The following LRFN5 variants were observed in gnomAD, a reference collection of about 807,000 sequenced individuals.
LRFN5 encodes leucine-rich repeat and fibronectin type-III domain-containing protein 5.
LRFN5 carries 24 observed loss-of-function variants against 45.6 expected under a neutral mutation model. The ratio of observed to expected loss-of-function variants is 0.53; its 90% CI spans 0.38 to 0.74. LRFN5 has a LOEUF of 0.74. Ranked by LOEUF, LRFN5 falls within the 30% of genes least tolerant of loss-of-function variation. The pLI is 0.00. For synonymous variants in LRFN5, 340 were observed against 313.8 expected (o/e 1.08, Z -0.88); for missense variants, 776 against 861.5 (o/e 0.90, Z 1.24).
At chr14:41,780,802 C>T (rs1886454595) in intron 2 of LRFN5, among the ~76,000 whole-genome samples, 1 of 151,560 alleles carries the variant, frequency 6.6e-6, no homozygotes, top group Non-Finnish European at 1.5e-5. Flanking sequence ...TTATATGATT[C>T]CACCTTCTCT....
At chr14:41,888,220 A>G (rs560150746) in intron 3 of LRFN5, among the ~76,000 whole-genome samples, 3 of 152,270 alleles carry the variant, frequency 2.0e-5, no homozygotes, top group East Asian at 1.9e-4. Context: ...TATATTTAAT[A>G]TTATGCTTAC....
intron 1 of LRFN5, among the ~76,000 whole-genome samples, chr14:41,696,089 GGGTTCAA>G (rs1882597603): frequency 6.6e-6 from 1 of 151,934 alleles, no homozygotes; most frequent in Non-Finnish European, 1.5e-5. Flanking sequence ...CAACTTTGAG[GGGTTCAA>G]GACTTCAGTG....
At chr14:41,763,802 T>C (rs1885765552) in intron 1 of LRFN5, among the ~76,000 whole-genome samples, 1 of 152,202 alleles carries the variant, frequency 6.6e-6, no homozygotes, top group African/African-American at 2.4e-5. Context: ...GTTTTTCCTT[T>C]ATAAATTACC....
intron 2 of LRFN5, among the ~76,000 whole-genome samples, chr14:41,881,152 A>G (rs1195982767): frequency 1.8e-4 from 27 of 151,864 alleles, no homozygotes; most frequent in Admixed American, 1.7e-3. Context: ...GTGATTTTCT[A>G]TTTTCCCAGT....
intron 2 of LRFN5, among the ~76,000 whole-genome samples, chr14:41,837,066 G>A (rs1888686425): frequency 6.6e-6 from 1 of 151,964 alleles, no homozygotes; most frequent in Non-Finnish European, 1.5e-5. Flanking sequence ...AGGAAAGAAG[G>A]TCAAGCCAGA....
intron 2 of LRFN5, among the ~76,000 whole-genome samples, chr14:41,854,688 G>GAGC (rs1282919053): frequency 6.6e-6 from 1 of 152,120 alleles, no homozygotes; most frequent in Non-Finnish European, 1.5e-5. Context: ...AGAAGAAATT[G>GAGC]AGCAAATGTA....
At position 41,708,920 on chromosome 14, in the gene LRFN5, C is replaced by A. The variant is rs531470035; in HGVS notation, c.-196-57934C>A. ...GAATTGAGCTTTCATGTATTGTGAG[C>A]CTAACACATGTGTTAAAAACGTATC... is the stretch of plus-strand genomic sequence containing the variant. On this transcript the variant is annotated intron_variant, in intron 1 of 5. Transcript: ENST00000298119. Among the ~76,000 whole-genome samples the A allele has an allele frequency of 1.8e-3, 268 of 152,014 alleles. 2 individuals are homozygous for A. The highest frequency in any genetic ancestry group is 3.0e-3 in the Non-Finnish European group (203 of 67,880).
intron 2 of LRFN5, among the ~76,000 whole-genome samples, chr14:41,869,459 G>C (rs1889946311): frequency 1.3e-5 from 2 of 151,126 alleles, no homozygotes; most frequent in South Asian, 4.2e-4. Flanking sequence ...GTTTTTATTA[G>C]TATTTCATTC....
intron 1 of LRFN5, among the ~76,000 whole-genome samples, chr14:41,608,985 T>G (rs367865806): frequency 6.6e-6 from 1 of 152,322 alleles, no homozygotes; most frequent in African/African-American, 2.4e-5. Context: ...TTTTCTACCC[T>G]TTTCTACCTC....
At chr14:41,743,644 T>C (rs1346039877) in intron 1 of LRFN5, among the ~76,000 whole-genome samples, 2 of 152,168 alleles carry the variant, frequency 1.3e-5, no homozygotes, top group African/African-American at 4.8e-5. Context: ...AGTAGGAATA[T>C]ATCATGTATT....
intron 2 of LRFN5, among the ~76,000 whole-genome samples, chr14:41,800,379 A>G (rs1887284850): frequency 6.6e-6 from 1 of 151,998 alleles, no homozygotes; most frequent in South Asian, 2.1e-4. Context: ...CTACTTCCTC[A>G]AGTATAACTA....
intron 2 of LRFN5, among the ~76,000 whole-genome samples, chr14:41,853,577 TTCC>T (rs1321189270): frequency 1.8e-4 from 27 of 152,178 alleles, no homozygotes; most frequent in Middle Eastern, 3.4e-3. Context: ...TACATTAGGT[TTCC>T]ATTTTGGATA....
At chr14:41,703,194 C>A (rs1468291538) in intron 1 of LRFN5, among the ~76,000 whole-genome samples, 2 of 151,990 alleles carry the variant, frequency 1.3e-5, no homozygotes, top group East Asian at 1.9e-4. Flanking sequence ...TAATTTAATT[C>A]TTCAGTTAAT....
chr14:41,796,702 C>T (rs74045428), intron 2 of LRFN5, among the ~76,000 whole-genome samples: 2,067 of 151,904 alleles, frequency 0.014, 42 homozygotes, highest in African/African-American at 0.047. Context: ...TTATAGAATT[C>T]CGCATGAATC....
At chr14:41,707,023 T>C (rs559935653) in intron 1 of LRFN5, among the ~76,000 whole-genome samples, 1 of 152,322 alleles carries the variant, frequency 6.6e-6, no homozygotes, top group Non-Finnish European at 1.5e-5. Context: ...GAGGTGCACT[T>C]GCTCCCTCCC....
intron 1 of LRFN5, among the ~76,000 whole-genome samples, chr14:41,685,644 A>C (rs2138694118): frequency 6.6e-6 from 1 of 152,206 alleles, no homozygotes; most frequent in African/African-American, 2.4e-5. Flanking sequence ...TTTTTGTATA[A>C]GCTGTAAGGA....
chr14:41,664,853 A>G (rs930717715), intron 1 of LRFN5, among the ~76,000 whole-genome samples: 6 of 151,940 alleles, frequency 3.9e-5, no homozygotes, highest in African/African-American at 1.2e-4. Context: ...GATTTGAGGT[A>G]TGGGCCACAC....
chr14:41,833,790 C>G (rs549183792), intron 2 of LRFN5, among the ~76,000 whole-genome samples: 76 of 152,212 alleles, frequency 5.0e-4, no homozygotes, highest in South Asian at 3.9e-3. Context: ...TTCTCCCTTT[C>G]CTTGGCATAA....
intron 1 of LRFN5, chr14:41,701,159 A>G (rs904849710): frequency 2.0e-5 from 3 of 152,168 alleles, no homozygotes; most frequent in Non-Finnish European, 2.9e-5. Flanking sequence ...TATGTTGATC[A>G]ATTAGATGCT....
Sources: gnomAD v4.1 joint callset for allele counts (sites outside exome capture counted in the v4.1 genomes callset) on GRCh38, gnomAD v4.1.1 for gene constraint, MANE v1.5 for transcripts, NCBI Gene and HGNC (gene_info 2026-07-23, HGNC 2026-07-21) for gene names.